The following FTO variants were observed in gnomAD, a reference collection of about 807,000 sequenced individuals.
FTO encodes the protein FTO alpha-ketoglutarate dependent dioxygenase, also known as alpha-ketoglutarate-dependent dioxygenase FTO.
In FTO, 47 loss-of-function variants were observed where a neutral mutation model predicts 63.9. That is an observed-to-expected ratio of 0.74 (90% CI 0.58 to 0.94). The LOEUF (loss-of-function observed/expected upper bound fraction) is 0.94. Ranked by LOEUF, FTO falls within the 40% of genes least tolerant of loss-of-function variation. The probability of loss-of-function intolerance (pLI) is 0.00; values close to 1 mark genes in which losing one functional copy is unlikely to be tolerated. For missense variants in FTO, 562 were observed against 618.1 expected (o/e 0.91, Z 0.96); for synonymous variants, 207 against 224.4 (o/e 0.92, Z 0.69).
chr16:53,719,598 C>T (rs1362881492), intron 1 of FTO, among the ~76,000 whole-genome samples: 1 of 140,048 alleles, frequency 7.1e-6, no homozygotes, highest in Admixed American at 7.0e-5. Flanking sequence ...TTCTTGTCTT[C>T]TCTTTAAAAA....
intron 1 of FTO, among the ~76,000 whole-genome samples, chr16:53,742,028 A>G (rs62048372): frequency 0.24 from 35,826 of 152,036 alleles, 4,595 homozygotes; most frequent in East Asian, 0.41. Context: ...AGTTTCTCCC[A>G]GAGTATCTGG....
At chr16:54,082,221 C>A (rs143342628) in intron 8 of FTO, among the ~76,000 whole-genome samples, 4 of 152,270 alleles carry the variant, frequency 2.6e-5, no homozygotes, top group African/African-American at 9.6e-5. Flanking sequence ...TCCAAACTTT[C>A]CAGTTCCCTC....
At chr16:53,912,394 A>G (rs1465821274) in intron 7 of FTO, among the ~76,000 whole-genome samples, 1 of 152,162 alleles carries the variant, frequency 6.6e-6, no homozygotes, top group Non-Finnish European at 1.5e-5. Flanking sequence ...ATGCACTGAC[A>G]TGCGTCAGTG....
intron 8 of FTO, among the ~76,000 whole-genome samples, chr16:53,982,223 A>G (rs2083562853): frequency 6.6e-6 from 1 of 152,192 alleles, no homozygotes; most frequent in Non-Finnish European, 1.5e-5. Context: ...TCTCAACCTT[A>G]TTGAGGATGA....
At chr16:54,078,729 C>G (rs2086063297) in intron 8 of FTO, among the ~76,000 whole-genome samples, 1 of 152,096 alleles carries the variant, frequency 6.6e-6, no homozygotes, top group South Asian at 2.1e-4. Context: ...TCTTTCCTAC[C>G]ATGTGAGCAC....
At chr16:54,054,927 A>T (rs920446709) in intron 8 of FTO, among the ~76,000 whole-genome samples, 1 of 152,210 alleles carries the variant, frequency 6.6e-6, no homozygotes, top group South Asian at 2.1e-4. Context: ...CACCCCATTG[A>T]TACAAGAGCT....
At chr16:53,930,752 C>A (rs902207565) in intron 7 of FTO, among the ~76,000 whole-genome samples, 6 of 152,130 alleles carry the variant, frequency 3.9e-5, no homozygotes, top group Admixed American at 3.9e-4. Context: ...TTAGGAAACT[C>A]TTGAACTTCT....
chr16:54,100,951 T>A (rs1268641888), intron 8 of FTO, among the ~76,000 whole-genome samples: 1 of 152,100 alleles, frequency 6.6e-6, no homozygotes, highest in African/African-American at 2.4e-5. Flanking sequence ...AGCGTGGAGA[T>A]GCCTTTGAGC....
intron 4 of FTO, among the ~76,000 whole-genome samples, chr16:53,860,110 C>G (rs1567370346): frequency 1.3e-5 from 2 of 151,882 alleles, no homozygotes; most frequent in African/African-American, 4.9e-5. Context: ...CACACACATA[C>G]CCACACATAT....
intron 8 of FTO, among the ~76,000 whole-genome samples, chr16:53,974,056 G>A (rs762629703): frequency 7.2e-5 from 11 of 152,118 alleles, no homozygotes; most frequent in Non-Finnish European, 1.2e-4. Context: ...GTAGATTTAT[G>A]GGCCCTGCTT....
At chr16:53,836,466 G>A (rs1000594476) in intron 3 of FTO, among the ~76,000 whole-genome samples, 2 of 152,144 alleles carry the variant, frequency 1.3e-5, no homozygotes, top group African/African-American at 4.8e-5. Context: ...CTTTGTATCC[G>A]TATATAGTGG....
intron 1 of FTO, among the ~76,000 whole-genome samples, chr16:53,729,486 G>T (rs2076224436): frequency 6.7e-6 from 1 of 148,400 alleles, no homozygotes; most frequent in Admixed American, 6.7e-5. Flanking sequence ...CTGCGTGACA[G>T]ACTGAGACTC....
chr16:54,000,338 A>G (rs1355971046), intron 8 of FTO, among the ~76,000 whole-genome samples: 28 of 152,248 alleles, frequency 1.8e-4, no homozygotes, highest in African/African-American at 6.8e-4. Flanking sequence ...GAGAGTTGAA[A>G]TAGAGAATGG....
chr16:53,764,027 C>T (rs1329372316), intron 1 of FTO: 1 of 152,198 alleles, frequency 6.6e-6, no homozygotes, highest in Non-Finnish European at 1.5e-5. Context: ...GAACCTAAGA[C>T]TCAATTTTTT....
intron 8 of FTO, among the ~76,000 whole-genome samples, chr16:54,048,723 A>T (rs1009057984): frequency 1.3e-5 from 2 of 152,194 alleles, no homozygotes; most frequent in Admixed American, 1.3e-4. Context: ...GCAGCCGTAG[A>T]GCATTGACTT....
chr16:53,936,366 C>T (rs1599033152), intron 8 of FTO, among the ~76,000 whole-genome samples: 1 of 152,326 alleles, frequency 6.6e-6, no homozygotes, highest in East Asian at 1.9e-4. Context: ...CATAATCCTT[C>T]TCCCCACCAC....
At chr16:54,005,195 TC>T (rs1213868094) in intron 8 of FTO, among the ~76,000 whole-genome samples, 1 of 149,162 alleles carries the variant, frequency 6.7e-6, no homozygotes, top group African/African-American at 2.4e-5. Flanking sequence ...GGAACCTTTT[TC>T]TATCCCATTT....
chr16:53,734,517 A>G (rs777547471), intron 1 of FTO, among the ~76,000 whole-genome samples: 1 of 152,230 alleles, frequency 6.6e-6, no homozygotes, highest in Non-Finnish European at 1.5e-5. Context: ...ATCACATGAA[A>G]GAGTTTTGTG....
chr16:53,811,915 C>G (rs1046838690), intron 2 of FTO, among the ~76,000 whole-genome samples: 5 of 152,106 alleles, frequency 3.3e-5, no homozygotes, highest in Non-Finnish European at 7.4e-5. Context: ...TGGGCCCATG[C>G]GATTCTCCCA....
Sources: allele counts gnomAD v4.1 joint callset (sites outside exome capture counted in the v4.1 genomes callset), GRCh38; gene constraint gnomAD v4.1.1; transcripts MANE v1.5; gene names NCBI Gene and HGNC (gene_info 2026-07-23, HGNC 2026-07-21).